Variants in PLEC observed in about 807,000 individuals in gnomAD.
PLEC encodes the protein plectin.
PLEC carries 216 observed loss-of-function variants against 392.8 expected under a neutral mutation model. The observed-to-expected ratio is 0.55, with a 90% CI of 0.49 to 0.62. The LOEUF is 0.62. Among genes scored for constraint, PLEC ranks in the 20% least tolerant of loss-of-function variants. The pLI is 0.00. For synonymous variants in PLEC, 3,621 were observed against 2,980.6 expected (o/e 1.21, Z -7.00); for missense variants, 6,863 against 6,563.4 (o/e 1.05, Z -1.58).
In PLEC at chr8:143,917,341, C is replaced by T. The variant is rs1476761817; in HGVS notation, c.12480G>A (p.Lys4160=). 6.8e-6 allele frequency: 11 copies of T among 1,610,070 alleles called. No homozygotes were observed. The highest frequency in any genetic ancestry group is 9.3e-6 in the Non-Finnish European group (11 of 1,179,982). Reference sequence around the variant, plus strand: ...GGTACGTCTGGTGGTCAATCAGGCCCTTGCGGTAGGCCTCGTACACTGACA... The same window carrying T: ...GGTACGTCTGGTGGTCAATCAGGCCTTTGCGGTAGGCCTCGTACACTGACA... ...KEMSVYEAYR[K]GLIDHQTYLE... is the part of the protein sequence containing the mutation. Residue 4160 remains lysine (K), a synonymous_variant, in exon 32 of 32, where the codon AAG becomes AAA. Transcript: ENST00000345136.
rs782165745 is a variant in PLEC at position 143,921,327 on chromosome 8, G to A, written c.8494C>T (p.Arg2832Cys). ...HRVPVDVAYR[R>C]GYFDEEMNRV... ...TTCATCTCCTCGTCGAAGTAGCCGC[G>A]CCGGTAGGCCACGTCCACGGGCACG... The change falls in exon 32 of 32, where the codon CGC becomes TGC. Residue 2832 changes from arginine (R) to cysteine (C), a missense_variant. Physicochemically the swap from Arg to Cys is radical, Grantham distance 180 (BLOSUM62 -3). Coordinates refer to ENST00000345136, the MANE Select transcript of PLEC (RefSeq NM_201384.3). 7.4e-6 allele frequency: 12 copies of A among 1,613,746 alleles called. No individual in the cohort carries two copies. Among genetic ancestry groups the A allele is most frequent in the African/African-American group, 4.0e-5 (3 of 74,936 alleles).
Position 143,918,169 on chromosome 8 carries a change from G to A in PLEC, c.11652C>T (p.Thr3884=). The change falls in exon 32 of 32, where the codon ACC becomes ACT. Residue 3884 remains threonine, a synonymous_variant. Transcript: ENST00000345136. ...LLPLSDARKL[T]FRGLRKQITM... The stretch of plus-strand genomic sequence containing the variant: ...TGATCTGCTTCCGCAGGCCACGGAA[G>A]GTCAGCTTGCGGGCGTCCGACAGTG... 6.3e-7 allele frequency: 1 copy of A among 1,595,748 alleles called. No homozygotes were observed. The highest frequency in any genetic ancestry group is 8.5e-7 in the Non-Finnish European group (1 of 1,177,406).
upstream of PLEC, chr8:143,953,860 G>A (rs1554738329): frequency 2.6e-6 from 4 of 1,567,120 alleles, no homozygotes; most frequent in Admixed American, 1.9e-5. Flanking sequence ...GCAGCCGGGG[G>A]AGGAGCCCGG....
chr8:143,925,584 G>T lies in PLEC; in HGVS notation c.4345C>A (p.Arg1449Ser), dbSNP rs782348767. Reference protein sequence around the residue: ...QAEAAERSRLRIEEEIRVVRL... With the variant: ...QAEAAERSRLSIEEEIRVVRL... ...ACCACGCGGATCTCCTCCTCGATGCGCAGCCGGCTGCGCTCAGCCGCCTCT... is the reference window on the plus strand; with the variant it reads ...ACCACGCGGATCTCCTCCTCGATGCTCAGCCGGCTGCGCTCAGCCGCCTCT... The change falls in exon 31 of 32, where the codon CGC becomes AGC. Residue 1449 changes from arginine to serine, a missense_variant. Physicochemically the swap from Arg to Ser is moderately radical, Grantham distance 110. Transcript: ENST00000345136. 6.4e-7 allele frequency: 1 copy of T among 1,574,046 alleles called. No individual in the cohort carries two copies. The highest frequency in any genetic ancestry group is 8.6e-7 in the Non-Finnish European group (1 of 1,167,992).
chr8:143,916,166 C>A lies in PLEC; in HGVS notation c.*11G>T, dbSNP rs1173250738. The A allele has an allele frequency of 5.2e-6, 8 of 1,529,640 alleles. No individual in the cohort carries two copies. The East Asian group carries it at 1.7e-4, about 33-fold the overall frequency. 94.8% of individuals were successfully genotyped at this position (1,529,640 alleles called of 1,614,324 possible). ...TGGGCCGCATGCAGAGCGGGGTGGG[C>A]GCAGGCAGCCTCAGGCCACGGCAGA... On this transcript the variant is annotated 3_prime_UTR_variant, in exon 32 of 32. Transcript: ENST00000345136.
chr8:143,944,665 G>C (rs782028003), intron 1 of PLEC: 2 of 1,340,034 alleles, frequency 1.5e-6, no homozygotes, highest in Non-Finnish European at 1.9e-6. Flanking sequence ...GATCTTCATC[G>C]GGGACGGTGG....
upstream of PLEC, among the ~76,000 whole-genome samples, chr8:143,941,222 G>C (rs921305567): frequency 6.6e-6 from 1 of 152,198 alleles, no homozygotes; most frequent in African/African-American, 2.4e-5. Flanking sequence ...CTGCAGGAAC[G>C]GGGCTGCCAC....
rs1554690777 is a variant in PLEC at position 143,922,888 on chromosome 8, C to T, written c.7041G>A (p.Gln2347=). 1 of 1,583,398 alleles carries T rather than the reference C, an allele frequency of 6.3e-7. No homozygotes were observed. Residue 2347 remains glutamine (Q), a synonymous_variant, in exon 31 of 32, where the codon CAG becomes CAA. Coordinates refer to ENST00000345136, the MANE Select transcript of PLEC (RefSeq NM_201384.3). ...GCTGCGCCATCTGCTCCTTGTCCTC[C>T]TGCAGCCGCCGCGCCTGCTCCTGCG... is the stretch of plus-strand genomic sequence containing the variant. ...ELAQEQARRL[Q]EDKEQMAQQL... is the part of the protein sequence containing the mutation.
Position 143,916,846 on chromosome 8 carries a change from G to A in PLEC, c.12975C>T (p.Ser4325=). 1 of 1,612,928 alleles carries A rather than the reference G, an allele frequency of 6.2e-7. No homozygotes were observed. The highest frequency in any genetic ancestry group is 1.1e-5 in the South Asian group (1 of 91,084). The part of the protein sequence containing the change: ...QACTGGIIDP[S]TGERFPVTDA... ...CGGTGACAGGGAAGCGCTCACCGGT[G>A]CTGGGGTCGATGATGCCCCCGGTGC... is the stretch of plus-strand genomic sequence containing the variant. The change falls in exon 32 of 32, where the codon AGC becomes AGT. Residue 4325 remains serine (S), a synonymous_variant. Coordinates refer to ENST00000345136, the MANE Select transcript of PLEC (RefSeq NM_201384.3).
At chr8:143,972,566 C>T (rs550118214) in intron 1 of PLEC, among the ~76,000 whole-genome samples, 2 of 152,240 alleles carry the variant, frequency 1.3e-5, no homozygotes, top group Admixed American at 6.5e-5. Context: ...AAACCAGCCA[C>T]GTGGAGCTGG....
chr8:143,955,573 C>G (rs1832541936), upstream of PLEC, among the ~76,000 whole-genome samples: 1 of 152,106 alleles, frequency 6.6e-6, no homozygotes, highest in African/African-American at 2.4e-5. Context: ...CTAAAAAGTT[C>G]ATACATTTTT....
chr8:143,950,785 A>G, exon 1 of PLEC: 2 of 1,528,658 alleles, frequency 1.3e-6, no homozygotes, highest in Non-Finnish European at 1.7e-6. Flanking sequence ...GCGCTGCGAG[A>G]AGCTCCCGCG....
chr8:143,968,999 C>A (rs1833267396), intron 1 of PLEC, among the ~76,000 whole-genome samples: 1 of 152,204 alleles, frequency 6.6e-6, no homozygotes, highest in African/African-American at 2.4e-5. Context: ...AGCAATTCCA[C>A]TCCTAGGTAT....
rs1268992890 is a variant in PLEC, at chr8:143,926,819, T to C, written c.4009A>G (p.Ile1337Val). The C allele has an allele frequency of 6.2e-7, 1 of 1,613,910 alleles. No homozygotes were observed. The highest frequency in any genetic ancestry group is 8.5e-7 in the Non-Finnish European group (1 of 1,179,980). The change falls in exon 30 of 32, where the codon ATC (isoleucine) becomes GTC (valine). Residue 1337 changes from isoleucine (I) to valine (V), a missense_variant. Transcript: ENST00000345136. ...TTLTSQYIKF[I>V]SETLRRMEEE... Reference sequence around the variant, plus strand: ...TCCATGCGCCGCAGAGTCTCGCTGATGAACTTGATGTACTGGCTCGTCAGT... The same window carrying C: ...TCCATGCGCCGCAGAGTCTCGCTGACGAACTTGATGTACTGGCTCGTCAGT...
At chr8:143,946,529 G>T in intron 1 of PLEC, 1 of 531,500 alleles carries the variant, frequency 1.9e-6, no homozygotes, top group Non-Finnish European at 3.1e-6. Context: ...CCACCCCTTA[G>T]TCAGTAAGCA....
At position 143,917,846 on chromosome 8, in the gene PLEC, C is replaced by G. The variant is rs781830007; in HGVS notation, c.11975G>C (p.Arg3992Pro). 3 of 1,613,288 alleles carry G rather than the reference C, an allele frequency of 1.9e-6. No homozygotes were observed. The highest frequency in any genetic ancestry group is 2.5e-6 in the Non-Finnish European group (3 of 1,180,008). ...GAACTCGGGGCCCACAATGCCCATA[C>G]GCACAGCCTCCTCCACCGTCAGCTT... is the stretch of plus-strand genomic sequence containing the variant. ...GLKLTVEEAVRMGIVGPEFKD... is the reference protein window; with the variant it reads ...GLKLTVEEAVPMGIVGPEFKD... The change falls in exon 32 of 32, where the codon CGT becomes CCT. Residue 3992 changes from arginine to proline, a missense_variant. Transcript: ENST00000345136.
At chr8:143,955,298 A>G (rs1832529643), upstream of PLEC, among the ~76,000 whole-genome samples, 2 of 152,264 alleles carry the variant, frequency 1.3e-5, no homozygotes, top group Admixed American at 1.3e-4. Flanking sequence ...CCAACATGGC[A>G]AAACCCCATC....
intron 1 of PLEC, among the ~76,000 whole-genome samples, chr8:143,961,050 C>G (rs1487108993): frequency 6.6e-6 from 1 of 152,256 alleles, no homozygotes; most frequent in African/African-American, 2.4e-5. Context: ...CCATCGTCTG[C>G]TCGGACACAC....
In PLEC at chr8:143,921,426, G is replaced by C. The variant is rs561686703; in HGVS notation, c.8395C>G (p.Arg2799Gly). The change falls in exon 32 of 32, where the codon CGG becomes GGG. Residue 2799 changes from arginine to glycine, a missense_variant. Coordinates refer to ENST00000345136, the MANE Select transcript of PLEC (RefSeq NM_201384.3). ...FQAMQKGLIVREHGIRLLEAQ... is the reference protein window; with the variant it reads ...FQAMQKGLIVGEHGIRLLEAQ... Reference sequence around the variant, plus strand: ...TCCAGCAGGCGGATGCCGTGCTCCCGGACGATGAGGCCCTTCTGCATGGCT... The same window carrying C: ...TCCAGCAGGCGGATGCCGTGCTCCCCGACGATGAGGCCCTTCTGCATGGCT... 6.2e-7 allele frequency: 1 copy of C among 1,613,390 alleles called. No individual in the cohort carries two copies.
Sources: gnomAD v4.1 joint callset for allele counts (sites outside exome capture counted in the v4.1 genomes callset) on GRCh38, gnomAD v4.1.1 for gene constraint, MANE v1.5 for transcripts, NCBI Gene and HGNC (gene_info 2026-07-23, HGNC 2026-07-21) for gene names.